The following RGPD3 variants were observed in gnomAD, a reference collection of about 807,000 sequenced individuals.
RGPD3 encodes the protein RANBP2 like and GRIP domain containing 3.
Under a neutral mutation model 154.5 loss-of-function variants are expected in RGPD3, and 62 were observed. The observed-to-expected ratio is 0.40, with a 90% CI of 0.33 to 0.50. RGPD3 has a LOEUF of 0.50. Ranked by LOEUF, RGPD3 falls within the 20% of genes least tolerant of loss-of-function variation. The pLI, the probability that RGPD3 is intolerant of heterozygous loss-of-function variation, is 0.59. For missense variants in RGPD3, 919 were observed against 1,716.8 expected (o/e 0.54, Z 8.21); for synonymous variants, 308 against 607.0 (o/e 0.51, Z 7.24).
chr2:106,411,937 A>G (rs1350113968), intron 22 of RGPD3, among the ~76,000 whole-genome samples: 3 of 151,682 alleles, frequency 2.0e-5, no homozygotes, highest in Non-Finnish European at 4.4e-5. Context: ...AAATGAACAT[A>G]AACTAGGTAT....
chr2:106,406,055 T>TA lies in RGPD3; in HGVS notation c.5267-827dup, dbSNP rs1158529459. ...AATATTGTTGACGATAAGAGGATTT[T>TA]AAAAAAAATTCTTTTAAAACAGAAG... On this transcript the variant is annotated intron_variant, in intron 22 of 22. Coordinates refer to ENST00000409886, the MANE Select transcript of RGPD3 (RefSeq NM_001144013.2). Among the ~76,000 whole-genome samples the TA allele has an allele frequency of 3.3e-5, 5 of 151,226 alleles. No individual in the cohort carries two copies. The East Asian group carries it at 5.9e-4, about 18-fold the overall frequency.
Position 106,424,162 on chromosome 2 carries a change from G to A in RGPD3, c.3805C>T (p.His1269Tyr), listed in dbSNP as rs1677103998. 1.9e-6 allele frequency: 3 copies of A among 1,611,396 alleles called. No homozygotes were observed. The highest frequency in any genetic ancestry group is 2.7e-5 in the African/African-American group (2 of 74,742). The change falls in exon 20 of 23, where the codon CAT (histidine) becomes TAT (tyrosine). Residue 1269 changes from histidine (H) to tyrosine (Y), a missense_variant. Transcript: ENST00000409886. Reference sequence around the variant, plus strand: ...GGGCTACTTGCCAATGGAGAAGCATGTACTGAGCTACTACTGACACTATCA... The same window carrying A: ...GGGCTACTTGCCAATGGAGAAGCATATACTGAGCTACTACTGACACTATCA... Reference protein sequence around the residue: ...LDDSVSSSSVHASPLASSPVR... With the variant: ...LDDSVSSSSVYASPLASSPVR...
chr2:106,426,742 C>T (rs1439902086), intron 18 of RGPD3, among the ~76,000 whole-genome samples: 7 of 152,254 alleles, frequency 4.6e-5, no homozygotes, highest in African/African-American at 1.4e-4. Context: ...TAGTCATTTG[C>T]TTGAACTGTT....
chr2:106,447,564 C>A lies in RGPD3; in HGVS notation c.832G>T (p.Glu278Ter), dbSNP rs1284474340. The A allele has an allele frequency of 4.0e-5, 10 of 252,446 alleles. No individual in the cohort carries two copies. The highest frequency in any genetic ancestry group is 3.3e-4 in the South Asian group (10 of 30,430). The allele number at this position is 252,446 out of a possible 1,614,324, so 15.6% of individuals were successfully genotyped here. A position where few individuals can be genotyped will look rare whatever the true frequency, so the allele number is the denominator to read the frequency against. The part of the protein sequence containing the change: ...SAKSSLGGND[E>*]LSATFLEMKG... ...ATTTCTAAGAAAGTAGCTGACAGTT[C>A]ATCATTTCCACCCAAAGAAGATTTC... Residue 278 changes from glutamate to a stop codon, truncating the protein, a stop_gained, in exon 7 of 23, where the codon GAA (glutamate) becomes TAA (stop). Transcript: ENST00000409886. LOFTEE classifies it high-confidence loss of function.
chr2:106,428,606 T>C (rs1677270078), intron 18 of RGPD3, among the ~76,000 whole-genome samples: 1 of 151,656 alleles, frequency 6.6e-6, no homozygotes, highest in South Asian at 2.1e-4. Context: ...GCTAGTGGGG[T>C]TGCCTTAACT....
At chr2:106,467,976 GCC>G (rs1678687531) in intron 1 of RGPD3, among the ~76,000 whole-genome samples, 3 of 140,540 alleles carry the variant, frequency 2.1e-5, no homozygotes, top group Admixed American at 6.9e-5. Flanking sequence ...CCGCCGCAGG[GCC>G]AGGTCGAGGC....
intron 1 of RGPD3, among the ~76,000 whole-genome samples, chr2:106,461,948 C>T (rs1185581044): frequency 2.1e-4 from 32 of 151,664 alleles, no homozygotes; most frequent in African/African-American, 7.0e-4. Context: ...GAGTCTTGCT[C>T]TGTCACCAGG....
At chr2:106,414,137 A>C (rs1676751331) in intron 21 of RGPD3, among the ~76,000 whole-genome samples, 1 of 151,988 alleles carries the variant, frequency 6.6e-6, no homozygotes, top group African/African-American at 2.4e-5. Flanking sequence ...GCAAAGAATG[A>C]TATAAAAAAG....
intron 4 of RGPD3, among the ~76,000 whole-genome samples, chr2:106,455,024 G>A (rs1464308334): frequency 6.6e-6 from 1 of 151,906 alleles, no homozygotes; most frequent in African/African-American, 2.4e-5. Context: ...GTTAAGGCTG[G>A]GCACAGTGGC....
At position 106,468,212 on chromosome 2, in the gene RGPD3, C is replaced by T. The variant is rs2104532500; in HGVS notation, c.72+5G>A. 5 of 1,604,172 alleles carry T rather than the reference C, an allele frequency of 3.1e-6. No individual in the cohort carries two copies. Among genetic ancestry groups the T allele is most frequent in the South Asian group, 1.1e-5 (1 of 89,408 alleles). ...AGGCCGTCGGTCTCTTCCAGACCCA[C>T]TCACCTTTCGAGGCGACGGGGCGGA... is the stretch of plus-strand genomic sequence containing the variant. On this transcript the variant is annotated splice_donor_5th_base_variant and intron_variant, in intron 1 of 22. Transcript: ENST00000409886.
chr2:106,421,613 CT>C (rs911342523), intron 20 of RGPD3, among the ~76,000 whole-genome samples: 118 of 152,072 alleles, frequency 7.8e-4, no homozygotes, highest in African/African-American at 2.7e-3. Flanking sequence ...TAAAAATGAT[CT>C]GTGCAACATA....
At chr2:106,410,446 C>G (rs1013013107) in intron 22 of RGPD3, among the ~76,000 whole-genome samples, 2 of 152,072 alleles carry the variant, frequency 1.3e-5, no homozygotes, top group African/African-American at 4.8e-5. Flanking sequence ...TTAGGTTAGT[C>G]TCTTTTAGAA....
chr2:106,444,659 T>C (rs931032844), intron 7 of RGPD3, among the ~76,000 whole-genome samples: 7 of 142,730 alleles, frequency 4.9e-5, no homozygotes, highest in Non-Finnish European at 1.1e-4. Context: ...ACCTTGTCTT[T>C]ACAAAAAATT....
Position 106,410,033 on chromosome 2 carries a change from G to A in RGPD3, c.5266+3051C>T, listed in dbSNP as rs575320524. 3.3e-3 allele frequency among the ~76,000 whole-genome samples: 498 copies of A among 151,522 alleles called. 2 individuals are homozygous for A. The highest frequency in any genetic ancestry group is 0.011 in the African/African-American group (452 of 41,300). ...TGGGATTACAGGCATGCACCACCAC[G>A]CCCAGCTAATTTTTGTATTCTGAGT... On this transcript the variant is annotated intron_variant, in intron 22 of 22. Transcript: ENST00000409886.
At chr2:106,469,734 A>G (rs1382199734), upstream of RGPD3, among the ~76,000 whole-genome samples, 3 of 152,114 alleles carry the variant, frequency 2.0e-5, no homozygotes, top group Admixed American at 6.5e-5. Context: ...CCACCTCTCA[A>G]GGCCTCTCAT....
At chr2:106,468,148 G>A (rs1175200004) in intron 1 of RGPD3, 69 bp downstream of exon 1, 3 of 1,526,146 alleles carry the variant, frequency 2.0e-6, no homozygotes, top group African/African-American at 1.4e-5. Flanking sequence ...CATCGAGGCC[G>A]CCGCCGGGCC....
chr2:106,463,843 C>G (rs1412417659), intron 1 of RGPD3, among the ~76,000 whole-genome samples: 3 of 151,920 alleles, frequency 2.0e-5, no homozygotes, highest in Non-Finnish European at 4.4e-5. Context: ...ACACAACATA[C>G]AAGCAAACCA....
At chr2:106,462,679 G>A (rs4458208) in intron 1 of RGPD3, among the ~76,000 whole-genome samples, 118,356 of 151,958 alleles carry the variant, frequency 0.78, 46,395 homozygotes, top group East Asian at 1. Context: ...ATGCAGTTCT[G>A]AATTTCTCTT....
At position 106,424,727 on chromosome 2, in the gene RGPD3, C is replaced by G. The variant is rs780436645; in HGVS notation, c.3240G>C (p.Arg1080Ser). The stretch of plus-strand genomic sequence containing the variant: ...TGAGAATTTTTAAGTTCCCCAAGCC[C>G]CTTTCTTTCCACTGACTTACCTCAG... Reference protein sequence around the residue: ...FDAEVSQWKERGLGNLKILKN... With the variant: ...FDAEVSQWKESGLGNLKILKN... Residue 1080 changes from arginine to serine, a missense_variant, in exon 20 of 23, where the codon AGG (arginine) becomes AGC (serine). By Grantham distance (110) the Arg-to-Ser change is moderately radical (BLOSUM62 -1). Transcript: ENST00000409886. 1 of 1,611,952 alleles carries G rather than the reference C, an allele frequency of 6.2e-7. No homozygotes were observed. Among genetic ancestry groups the G allele is most frequent in the Non-Finnish European group, 8.5e-7 (1 of 1,179,852 alleles).
Sources: gnomAD v4.1 joint callset for allele counts (sites outside exome capture counted in the v4.1 genomes callset) on GRCh38, gnomAD v4.1.1 for gene constraint, MANE v1.5 for transcripts, NCBI Gene and HGNC (gene_info 2026-07-23, HGNC 2026-07-21) for gene names.